The following MCPH1 variants were observed in gnomAD, a reference collection of about 807,000 sequenced individuals.
MCPH1 encodes microcephalin 1.
In MCPH1, 104 loss-of-function variants were observed where a neutral mutation model predicts 84.5. The observed-to-expected ratio is 1.23, with a 90% CI of 1.05 to 1.45. MCPH1 has a LOEUF of 1.45. MCPH1 is among the 40% of genes most tolerant of loss of function. MCPH1 has a pLI of 0.00. For synonymous variants in MCPH1, 514 were observed against 366.8 expected (o/e 1.40, Z -4.58); for missense variants, 1,498 against 1,005.7 (o/e 1.49, Z -6.62).
intron 12 of MCPH1, among the ~76,000 whole-genome samples, chr8:6,540,126 G>T (rs1821273135): frequency 6.6e-6 from 1 of 152,120 alleles, no homozygotes. Flanking sequence ...CTGTGCTCTG[G>T]CAAATCCTAT....
intron 12 of MCPH1, among the ~76,000 whole-genome samples, chr8:6,617,376 T>C (rs1434508123): frequency 2.0e-5 from 3 of 150,622 alleles, no homozygotes; most frequent in African/African-American, 7.4e-5. Context: ...TCCTCCCAGG[T>C]TCACACCATT....
At chr8:6,535,561 G>A (rs1301562470) in intron 12 of MCPH1, among the ~76,000 whole-genome samples, 1 of 152,108 alleles carries the variant, frequency 6.6e-6, no homozygotes, top group Non-Finnish European at 1.5e-5. Flanking sequence ...CACATGATGT[G>A]TGTATATACA....
At chr8:6,431,966 G>A (rs865876925) in intron 4 of MCPH1, among the ~76,000 whole-genome samples, 2 of 152,188 alleles carry the variant, frequency 1.3e-5, no homozygotes, top group Non-Finnish European at 2.9e-5. Flanking sequence ...ATCCAAGTGT[G>A]CAAAGTCATT....
rs1474422590 is a variant in MCPH1, at chr8:6,431,497, A to G, written c.234-2A>G. 1 of 1,611,182 alleles carries G rather than the reference A, an allele frequency of 6.2e-7. No individual in the cohort carries two copies. Among genetic ancestry groups the G allele is most frequent in the South Asian group, 1.1e-5 (1 of 90,974 alleles). On this transcript the variant is annotated splice_acceptor_variant, in intron 3 of 13. Transcript: ENST00000344683. LOFTEE classifies it high-confidence loss of function. ...TTAGACTACCTTAATTTAATTATAC[A>G]GATGCAGGACAGCTGGAGCACACAT...
At chr8:6,519,726 G>A (rs1381175603) in intron 12 of MCPH1, 1 of 1,045,670 alleles carries the variant, frequency 9.6e-7, no homozygotes, top group African/African-American at 1.6e-5. Context: ...AGGCGAGGTA[G>A]CTGCCCAGTA....
chr8:6,490,634 C>G (rs1045091703), intron 11 of MCPH1, among the ~76,000 whole-genome samples: 2 of 152,162 alleles, frequency 1.3e-5, no homozygotes, highest in African/African-American at 2.4e-5. Context: ...CTACCTGATA[C>G]TTTTGATGTA....
At chr8:6,531,555 G>C (rs1328366948) in intron 12 of MCPH1, among the ~76,000 whole-genome samples, 2 of 152,128 alleles carry the variant, frequency 1.3e-5, no homozygotes, top group South Asian at 2.1e-4. Context: ...GCCTCCCAAA[G>C]TGCTGGAATT....
intron 12 of MCPH1, among the ~76,000 whole-genome samples, chr8:6,609,505 C>T (rs1385967602): frequency 1.3e-5 from 2 of 152,158 alleles, no homozygotes; most frequent in Non-Finnish European, 2.9e-5. Context: ...AAGTTTGGCG[C>T]TCATTGAGTT....
intron 12 of MCPH1, chr8:6,508,799 T>G: frequency 7.9e-7 from 1 of 1,264,240 alleles, no homozygotes; most frequent in Non-Finnish European, 1.1e-6. Flanking sequence ...TTTACCTATA[T>G]CAAGCTAGTG....
chr8:6,441,379 C>T (rs1803487543), intron 6 of MCPH1, among the ~76,000 whole-genome samples: 1 of 135,090 alleles, frequency 7.4e-6, no homozygotes, highest in Non-Finnish European at 1.6e-5. Flanking sequence ...TGCTTCCCTT[C>T]CTTATCTTGG....
At chr8:6,567,076 G>C (rs1826243244) in intron 12 of MCPH1, among the ~76,000 whole-genome samples, 2 of 150,228 alleles carry the variant, frequency 1.3e-5, no homozygotes, top group Admixed American at 1.3e-4. Flanking sequence ...ACGCGGTGTG[G>C]TGACCGTGTG....
At chr8:6,552,125 A>T (rs1823753997) in intron 12 of MCPH1, among the ~76,000 whole-genome samples, 1 of 152,232 alleles carries the variant, frequency 6.6e-6, no homozygotes, top group Non-Finnish European at 1.5e-5. Flanking sequence ...TTTTCTACTA[A>T]GATATGTGGC....
chr8:6,627,641 A>G (rs1158319441), intron 13 of MCPH1, among the ~76,000 whole-genome samples: 1 of 152,228 alleles, frequency 6.6e-6, no homozygotes, highest in East Asian at 1.9e-4. Flanking sequence ...CTATAATCCC[A>G]GCACTTTAGG....
chr8:6,526,052 A>T (rs1818264883), intron 12 of MCPH1, among the ~76,000 whole-genome samples: 1 of 152,114 alleles, frequency 6.6e-6, no homozygotes, highest in African/African-American at 2.4e-5. Context: ...GCAAGAGAAA[A>T]GTAATCTCCA....
chr8:6,479,807 T>C lies in MCPH1; in HGVS notation c.1974-907T>C, dbSNP rs569192217. The stretch of plus-strand genomic sequence containing the variant: ...GTAAGGAAGTTGGACGGAAAGAATA[T>C]ATTTTTTTAAAGGATATTTTAAGTA... On this transcript the variant is annotated intron_variant, in intron 10 of 13. Coordinates refer to ENST00000344683, the MANE Select transcript of MCPH1 (RefSeq NM_024596.5). 2.0e-4 allele frequency among the ~76,000 whole-genome samples: 30 copies of C among 152,288 alleles called. 1 individual carries two copies. The East Asian group carries it at 5.2e-3, about 26-fold the overall frequency.
At chr8:6,447,496 A>G (rs926652324) in intron 8 of MCPH1, 3 of 804,130 alleles carry the variant, frequency 3.7e-6, no homozygotes, top group South Asian at 5.6e-5. Flanking sequence ...AAGAGCTTCA[A>G]TACGCTGATA....
chr8:6,633,023 T>TAA (rs35473799), intron 13 of MCPH1, among the ~76,000 whole-genome samples: 1 of 144,026 alleles, frequency 6.9e-6, no homozygotes, highest in African/African-American at 2.6e-5. Context: ...AGTAATGATT[T>TAA]AAAAAAAAAA....
At position 6,415,065 on chromosome 8, in the gene MCPH1, A is replaced by G. The variant is rs546594172; in HGVS notation, c.233+182A>G. On this transcript the variant is annotated intron_variant, in intron 3 of 13. Transcript: ENST00000344683. ...TCTGTGGTTCAAAAATGGTCATGCT[A>G]TAATACCTAACTCTGCCTAGGGGGA... 3.9e-5 allele frequency among the ~76,000 whole-genome samples: 6 copies of G among 152,112 alleles called. No homozygotes were observed. In the South Asian group the frequency reaches 1.0e-3, roughly 26 times the overall value.
intron 12 of MCPH1, among the ~76,000 whole-genome samples, chr8:6,570,364 G>A (rs1826552353): frequency 1.3e-5 from 2 of 152,200 alleles, no homozygotes; most frequent in Admixed American, 1.3e-4. Flanking sequence ...TACAAGGTGA[G>A]CAAATGTATA....
Sources: allele counts gnomAD v4.1 joint callset (sites outside exome capture counted in the v4.1 genomes callset), GRCh38; gene constraint gnomAD v4.1.1; transcripts MANE v1.5; gene names NCBI Gene and HGNC (gene_info 2026-07-23, HGNC 2026-07-21).